The following XPNPEP3 variants were observed in gnomAD, a reference collection of about 807,000 sequenced individuals.
The protein encoded by XPNPEP3 is X-prolyl aminopeptidase 3, also known as xaa-Pro aminopeptidase 3.
Under a neutral mutation model 60.0 loss-of-function variants are expected in XPNPEP3, and 41 were observed. The ratio of observed to expected loss-of-function variants is 0.68; its 90% confidence interval spans 0.53 to 0.89. XPNPEP3 has a LOEUF of 0.89. XPNPEP3 is among the 40% of genes least tolerant of loss of function. XPNPEP3 has a pLI of 0.00. For missense variants in XPNPEP3, 598 were observed against 638.9 expected (o/e 0.94, Z 0.69); for synonymous variants, 212 against 223.2 (o/e 0.95, Z 0.45).
intron 2 of XPNPEP3, chr22:40,870,033 C>G (rs1341287279): frequency 2.1e-6 from 1 of 470,832 alleles, no homozygotes; most frequent in East Asian, 7.0e-5. Context: ...CTTCCTTTTG[C>G]TGATTTTTCA....
intron 1 of XPNPEP3, among the ~76,000 whole-genome samples, chr22:40,863,914 T>TA (rs1287205423): frequency 6.6e-6 from 1 of 152,228 alleles, no homozygotes; most frequent in African/African-American, 2.4e-5. Flanking sequence ...GACTAGGACT[T>TA]AAAGAGTTTA....
At chr22:40,918,009 T>A (rs5758129) in intron 7 of XPNPEP3, among the ~76,000 whole-genome samples, 55,397 of 128,528 alleles carry the variant, frequency 0.43, 13,876 homozygotes, top group East Asian at 0.75. Context: ...AGACTCTGTC[T>A]AAAAAAAAAA....
At chr22:40,917,035 A>T in intron 7 of XPNPEP3, 1 of 152,418 alleles carries the variant, frequency 6.6e-6, no homozygotes. Context: ...CCAAGATTGC[A>T]CCATTGCAAT....
chr22:40,924,250 G>A (rs2058226764), intron 8 of XPNPEP3, 112 bp from the exon 9 acceptor site: 6 of 1,481,822 alleles, frequency 4.0e-6, no homozygotes, highest in Middle Eastern at 1.8e-4. Context: ...TTAAACTGAA[G>A]TGGCAGAACC....
intron 9 of XPNPEP3, 22 bp from the exon 10 acceptor site, chr22:40,926,247 T>C (rs760796394): frequency 1.5e-5 from 24 of 1,613,998 alleles, no homozygotes; most frequent in East Asian, 2.2e-5. Flanking sequence ...CTGAACAGCA[T>C]GTTCTTCTTT....
rs1051623971 is a variant in XPNPEP3, at chr22:40,861,461, A to G, written c.64+4216A>G. The G allele has an allele frequency of 7.4e-6, 12 of 1,614,068 alleles. No individual in the cohort carries two copies. In the African/African-American group the frequency reaches 9.3e-5, roughly 13 times the overall value. On this transcript the variant is annotated intron_variant, in intron 1 of 9. Transcript: ENST00000357137. The stretch of plus-strand genomic sequence containing the variant: ...CAGATATGTAGTTGTCCATCCCACT[A>G]TTATCAAAAGCCAGGGAAGAGAAAG...
chr22:40,898,224 C>CTTTT (rs1405343173), intron 4 of XPNPEP3, among the ~76,000 whole-genome samples: 1 of 70,228 alleles, frequency 1.4e-5, no homozygotes, highest in African/African-American at 6.2e-5. Context: ...GTCTTTGACC[C>CTTTT]ATTTTTTTTT....
chr22:40,863,675 TAACC>T (rs2057963438), intron 1 of XPNPEP3, among the ~76,000 whole-genome samples: 1 of 152,218 alleles, frequency 6.6e-6, no homozygotes, highest in African/African-American at 2.4e-5. Context: ...CTGGAAATAA[TAACC>T]AATAATGTCG....
intron 2 of XPNPEP3, among the ~76,000 whole-genome samples, chr22:40,872,018 G>A (rs1601492914): frequency 6.6e-6 from 1 of 152,132 alleles, no homozygotes; most frequent in African/African-American, 2.4e-5. Flanking sequence ...GGGCAACAGA[G>A]TGAGACTTTG....
At chr22:40,914,433 T>G in intron 7 of XPNPEP3, 109 bp downstream of exon 7, 1 of 940,240 alleles carries the variant, frequency 1.1e-6, no homozygotes, top group Non-Finnish European at 1.7e-6. Flanking sequence ...CCATTCCTGG[T>G]CAAGTTAGGT....
chr22:40,858,585 A>C (rs1376127361), intron 1 of XPNPEP3, among the ~76,000 whole-genome samples: 1 of 127,742 alleles, frequency 7.8e-6, no homozygotes, highest in Non-Finnish European at 1.5e-5. Flanking sequence ...GCTGGAGTGC[A>C]GTGGCGCGAT....
rs759863454 is a variant in XPNPEP3 at position 40,881,838 on chromosome 22, C to T, written c.250C>T (p.Gln84Ter). 5.0e-6 allele frequency: 8 copies of T among 1,614,134 alleles called. No individual in the cohort carries two copies. The highest frequency in any genetic ancestry group is 6.8e-6 in the Non-Finnish European group (8 of 1,180,020). Residue 84 changes from glutamine (Q) to a stop codon, truncating the protein, a stop_gained, in exon 3 of 10, where the codon CAG becomes TAG. Transcript: ENST00000357137. LOFTEE classifies it high-confidence loss of function. ...LRRHKLMSLI[Q>*]KEAQGQSGTD... ...CAGACACAAACTAATGTCTCTGATC[C>T]AGAAGGAAGCTCAAGGGCAGAGTGG...
At chr22:40,924,265 G>A in intron 8 of XPNPEP3, 97 bp from the exon 9 acceptor site, 2 of 1,546,128 alleles carry the variant, frequency 1.3e-6, no homozygotes, top group Admixed American at 1.7e-5. Flanking sequence ...AGAACCATGG[G>A]GGAGATAATA....
chr22:40,897,329 C>T (rs563568905), intron 4 of XPNPEP3, among the ~76,000 whole-genome samples: 24 of 152,074 alleles, frequency 1.6e-4, no homozygotes, highest in African/African-American at 5.5e-4. Flanking sequence ...TGCCCGGCCT[C>T]CTTCATCTTT....
chr22:40,894,039 G>A (rs1346927796), intron 4 of XPNPEP3, among the ~76,000 whole-genome samples: 1 of 152,192 alleles, frequency 6.6e-6, no homozygotes, highest in Non-Finnish European at 1.5e-5. Flanking sequence ...CAGACATGGT[G>A]ATGATGCCAG....
intron 7 of XPNPEP3, among the ~76,000 whole-genome samples, chr22:40,921,328 C>T (rs995972780): frequency 2.0e-5 from 3 of 151,976 alleles, no homozygotes; most frequent in African/African-American, 4.8e-5. Context: ...TCATTGTTCC[C>T]AGCTTCAATA....
intron 7 of XPNPEP3, among the ~76,000 whole-genome samples, chr22:40,918,852 T>TC (rs2146278134): frequency 6.6e-6 from 1 of 150,558 alleles, no homozygotes; most frequent in East Asian, 1.9e-4. Context: ...TTTTTCTTTT[T>TC]TTTTTTTTGA....
rs1300313030 is a variant in XPNPEP3 at position 40,926,317 on chromosome 22, G to T, written c.1406G>T (p.Gly469Val). ...AAAGATGCCCCAGAGAAGTTTCGGG[G>T]TCTTGGTGTACGAATTGAGGATGAT... Reference protein sequence around the residue: ...DDKDAPEKFRGLGVRIEDDVV... With the variant: ...DDKDAPEKFRVLGVRIEDDVV... Residue 469 changes from glycine (G) to valine (V), a missense_variant, in exon 10 of 10, where the codon GGT (glycine) becomes GTT (valine). By Grantham distance (109) the Gly-to-Val change is moderately radical. Coordinates refer to ENST00000357137, the MANE Select transcript of XPNPEP3 (RefSeq NM_022098.4). 7 of 1,613,986 alleles carry T rather than the reference G, an allele frequency of 4.3e-6. No individual in the cohort carries two copies. Among genetic ancestry groups the T allele is most frequent in the Non-Finnish European group, 5.9e-6 (7 of 1,180,036 alleles).
intron 4 of XPNPEP3, among the ~76,000 whole-genome samples, chr22:40,897,071 G>T (rs539697530): frequency 1.1e-3 from 119 of 112,954 alleles, no homozygotes; most frequent in African/African-American, 3.8e-3. Flanking sequence ...TTTCGCTGTT[G>T]CCCAGGCTGG....
Sources: gnomAD v4.1 joint callset for allele counts (sites outside exome capture counted in the v4.1 genomes callset) on GRCh38, gnomAD v4.1.1 for gene constraint, MANE v1.5 for transcripts, NCBI Gene and HGNC (gene_info 2026-07-23, HGNC 2026-07-21) for gene names.